Variants in TNS3 observed in about 807,000 individuals in gnomAD.
TNS3 encodes the protein tensin 3.
In TNS3, 45 loss-of-function variants were observed where a neutral mutation model predicts 140.9. The observed-to-expected ratio is 0.32, with a 90% CI of 0.25 to 0.41. TNS3 has a LOEUF of 0.41. Ranked by LOEUF, TNS3 falls within the 10% of genes least tolerant of loss-of-function variation. The pLI, the probability that TNS3 is intolerant of heterozygous loss-of-function variation, is 1.00. For missense variants in TNS3, 1,716 were observed against 1,906.7 expected (o/e 0.90, Z 1.86); for synonymous variants, 815 against 788.4 (o/e 1.03, Z -0.56).
intron 4 of TNS3, among the ~76,000 whole-genome samples, chr7:47,447,914 G>A (rs1795830255): frequency 1.3e-5 from 2 of 152,248 alleles, no homozygotes; most frequent in Admixed American, 1.3e-4. Context: ...TGATCAGAAG[G>A]AAGACCTGAG....
chr7:47,436,842 G>C (rs888923010), intron 7 of TNS3, among the ~76,000 whole-genome samples: 1 of 152,082 alleles, frequency 6.6e-6, no homozygotes, highest in African/African-American at 2.4e-5. Flanking sequence ...CCCAGGAGGC[G>C]GGAGGAGGAA....
At chr7:47,408,186 C>A (rs1793551463) in intron 13 of TNS3, among the ~76,000 whole-genome samples, 1 of 152,046 alleles carries the variant, frequency 6.6e-6, no homozygotes, top group East Asian at 1.9e-4. Flanking sequence ...GCAGGTGGGA[C>A]ACTGAGGAAA....
At chr7:47,298,635 G>A (rs994400430) in intron 23 of TNS3, among the ~76,000 whole-genome samples, 4 of 152,204 alleles carry the variant, frequency 2.6e-5, no homozygotes, top group African/African-American at 7.2e-5. Flanking sequence ...GCCTGGAAGC[G>A]ATCAGGGCGC....
rs572090721 is a variant in TNS3, at chr7:47,303,093, G to A, written c.3314C>T (p.Ser1105Leu). ...TGAGCCCAAAGAACGATCCCCCTCC[G>A]AGGCCCGCTTCTTCTCAGGGAGGGG... ...QPPLPEKKRA[S>L]EGDRSLGSVS... Residue 1105 changes from serine (S) to leucine (L), a missense_variant, in exon 22 of 31, where the codon TCG becomes TTG. Transcript: ENST00000311160. 1.5e-5 allele frequency: 25 copies of A among 1,614,138 alleles called. No individual in the cohort carries two copies. The highest frequency in any genetic ancestry group is 2.2e-5 in the East Asian group (1 of 44,886).
At chr7:47,452,788 A>C (rs1331088966) in intron 4 of TNS3, 5 of 362,390 alleles carry the variant, frequency 1.4e-5, no homozygotes, top group Non-Finnish European at 1.9e-5. Context: ...GCAGCATTGA[A>C]GTGAAAGGGG....
chr7:47,329,210 G>A (rs1467305713), intron 20 of TNS3, among the ~76,000 whole-genome samples: 1 of 152,196 alleles, frequency 6.6e-6, no homozygotes, highest in African/African-American at 2.4e-5. Flanking sequence ...ACAAGGGGAA[G>A]CACAGAACAG....
Position 47,346,315 on chromosome 7 carries a change from G to C in TNS3, c.2323C>G (p.Leu775Val). 1 of 1,614,212 alleles carries C rather than the reference G, an allele frequency of 6.2e-7. No individual in the cohort carries two copies. Among genetic ancestry groups the C allele is most frequent in the Non-Finnish European group, 8.5e-7 (1 of 1,180,034 alleles). The change falls in exon 18 of 31, where the codon CTG (leucine) becomes GTG (valine). Residue 775 changes from leucine to valine, a missense_variant. Physicochemically the swap from Leu to Val is conservative, Grantham distance 32 (BLOSUM62 1). Transcript: ENST00000311160. ...TCGTTGTCGTACTGCCCCAGGCTCA[G>C]CTTCCTGAGTCTCCCGCCCAGGGGC... ...EQPLGGRLRK[L>V]SLGQYDNDAG...
At chr7:47,514,730 C>T (rs182006731) in intron 2 of TNS3, among the ~76,000 whole-genome samples, 1 of 152,284 alleles carries the variant, frequency 6.6e-6, no homozygotes, top group Non-Finnish European at 1.5e-5. Context: ...AAAACCATCT[C>T]TCAAATGGGG....
At chr7:47,560,213 C>G (rs1388192541) in intron 1 of TNS3, among the ~76,000 whole-genome samples, 1 of 151,858 alleles carries the variant, frequency 6.6e-6, no homozygotes, top group African/African-American at 2.4e-5. Flanking sequence ...GAGGCTGGAG[C>G]CTCAGGATGG....
intron 1 of TNS3, among the ~76,000 whole-genome samples, chr7:47,542,590 G>C (rs910909231): frequency 6.6e-6 from 1 of 152,132 alleles, no homozygotes; most frequent in Non-Finnish European, 1.5e-5. Flanking sequence ...ATGGCTTGAG[G>C]GTGTCCGAGT....
chr7:47,419,262 T>A (rs551785175), intron 10 of TNS3, among the ~76,000 whole-genome samples: 3 of 152,202 alleles, frequency 2.0e-5, no homozygotes, highest in Non-Finnish European at 4.4e-5. Flanking sequence ...TCAGAGGGGA[T>A]GTCCAGGCCC....
chr7:47,491,277 T>C (rs991079895), intron 3 of TNS3, among the ~76,000 whole-genome samples: 1 of 152,192 alleles, frequency 6.6e-6, no homozygotes, highest in East Asian at 1.9e-4. Context: ...TATATACTGT[T>C]TCAAGCCCCA....
At chr7:47,305,251 C>T (rs1017045312) in intron 20 of TNS3, among the ~76,000 whole-genome samples, 17 of 152,350 alleles carry the variant, frequency 1.1e-4, no homozygotes, top group African/African-American at 4.1e-4. Flanking sequence ...ATTCAGTCCC[C>T]CACAGTGTCC....
chr7:47,349,159 T>C (rs540828159), intron 17 of TNS3, among the ~76,000 whole-genome samples: 1 of 151,486 alleles, frequency 6.6e-6, no homozygotes, highest in African/African-American at 2.4e-5. Context: ...ATTCTCTCTC[T>C]CCCCAAAGAA....
At chr7:47,429,376 T>TC (rs886676818) in intron 8 of TNS3, among the ~76,000 whole-genome samples, 1 of 151,884 alleles carries the variant, frequency 6.6e-6, no homozygotes, top group African/African-American at 2.4e-5. Context: ...CTGGCTCTTT[T>TC]TTTTTTGGAG....
intron 23 of TNS3, among the ~76,000 whole-genome samples, chr7:47,297,461 AG>A (rs1378333076): frequency 6.6e-6 from 1 of 152,184 alleles, no homozygotes; most frequent in African/African-American, 2.4e-5. Flanking sequence ...CAGAAAGGAC[AG>A]GAACATCCCT....
chr7:47,541,664 C>A lies in TNS3; in HGVS notation c.-264-12517G>T, dbSNP rs575553147. 2.0e-5 allele frequency among the ~76,000 whole-genome samples: 3 copies of A among 152,088 alleles called. No homozygotes were observed. The South Asian group carries it at 6.3e-4, about 32-fold the overall frequency. On this transcript the variant is annotated intron_variant, in intron 1 of 30. Coordinates refer to ENST00000311160, the MANE Select transcript of TNS3 (RefSeq NM_022748.12). ...GTCCCTACTGATAGAAGCAAATGAC[C>A]GAGGCCGGGCGCAGTGACTCACGCC...
chr7:47,572,645 G>A (rs1249953388), intron 1 of TNS3, among the ~76,000 whole-genome samples: 1 of 152,190 alleles, frequency 6.6e-6, no homozygotes, highest in Non-Finnish European at 1.5e-5. Flanking sequence ...GGAGGCCGAG[G>A]CGGGCAGATC....
At chr7:47,526,700 G>T (rs1192887502) in intron 2 of TNS3, among the ~76,000 whole-genome samples, 1 of 152,198 alleles carries the variant, frequency 6.6e-6, no homozygotes, top group African/African-American at 2.4e-5. Context: ...ACAGGGTAAG[G>T]AAGCCGAGAA....
Sources: allele counts gnomAD v4.1 joint callset (sites outside exome capture counted in the v4.1 genomes callset), GRCh38; gene constraint gnomAD v4.1.1; transcripts MANE v1.5; gene names NCBI Gene and HGNC (gene_info 2026-07-23, HGNC 2026-07-21).